The following IQGAP1 variants were observed in gnomAD, a reference collection of about 807,000 sequenced individuals.
The protein encoded by IQGAP1 is IQ motif containing GTPase activating protein 1.
Under a neutral mutation model 215.6 loss-of-function variants are expected in IQGAP1, and 66 were observed. That is an observed-to-expected ratio of 0.31 (90% CI 0.25 to 0.38). IQGAP1 has a LOEUF of 0.38. Among genes scored for constraint, IQGAP1 ranks in the 10% least tolerant of loss-of-function variants. The pLI, the probability that IQGAP1 is intolerant of heterozygous loss-of-function variation, is 1.00. For missense variants in IQGAP1, 1,712 were observed against 1,997.1 expected, an observed-to-expected ratio of 0.86 and a Z score of 2.72; for synonymous variants, 772 against 728.7, an observed-to-expected ratio of 1.06 and a Z score of -0.96.
chr15:90,476,918 A>C, intron 24 of IQGAP1, 100 bp downstream of exon 24: 1 of 1,402,674 alleles, frequency 7.1e-7, no homozygotes, highest in South Asian at 1.3e-5. Flanking sequence ...TTTGACTTCC[A>C]CTGAGGGGTG....
At chr15:90,410,129 G>A (rs550725029) in intron 2 of IQGAP1, among the ~76,000 whole-genome samples, 2 of 152,248 alleles carry the variant, frequency 1.3e-5, no homozygotes, top group Non-Finnish European at 2.9e-5. Context: ...AGTTTCTTTT[G>A]CTGTGCAGAA....
At chr15:90,421,393 T>A (rs1218708673) in intron 2 of IQGAP1, among the ~76,000 whole-genome samples, 1 of 151,716 alleles carries the variant, frequency 6.6e-6, no homozygotes, top group Non-Finnish European at 1.5e-5. Flanking sequence ...GGAGAATTGC[T>A]TGAACTTGGG....
chr15:90,499,915 A>G, intron 37 of IQGAP1, 80 bp from the exon 38 acceptor site: 2 of 925,288 alleles, frequency 2.2e-6, no homozygotes, highest in Non-Finnish European at 3.5e-6. Context: ...CCCTCCCTAC[A>G]TTGTGTCCTT....
chr15:90,452,982 G>T (rs372197745), intron 12 of IQGAP1, 44 bp downstream of exon 12: 1 of 1,606,694 alleles, frequency 6.2e-7, no homozygotes. Flanking sequence ...AAGTTGGGTG[G>T]ACGTGAGTGT....
intron 26 of IQGAP1, among the ~76,000 whole-genome samples, chr15:90,481,594 G>A (rs1438228397): frequency 6.6e-6 from 1 of 151,972 alleles, no homozygotes; most frequent in Admixed American, 6.6e-5. Context: ...TCCATTCTGA[G>A]TTGAAGCCCT....
chr15:90,406,869 C>A (rs894074622), intron 2 of IQGAP1, among the ~76,000 whole-genome samples: 2 of 152,216 alleles, frequency 1.3e-5, no homozygotes, highest in South Asian at 2.1e-4. Context: ...GTGGGAATAA[C>A]GTTGGTGGGA....
At chr15:90,477,022 C>A (rs1965989273) in intron 24 of IQGAP1, 45 bp from the exon 25 acceptor site, 2 of 1,563,220 alleles carry the variant, frequency 1.3e-6, no homozygotes, top group Admixed American at 3.5e-5. Flanking sequence ...ATCTTGCCAG[C>A]CTTTATATTA....
intron 8 of IQGAP1, 97 bp downstream of exon 8, chr15:90,441,781 A>G: frequency 1.2e-6 from 1 of 837,038 alleles, no homozygotes. Flanking sequence ...GATGCAGTTT[A>G]CATACAACAA....
chr15:90,391,110 T>G, intron 2 of IQGAP1: 1 of 381,014 alleles, frequency 2.6e-6, no homozygotes, highest in Non-Finnish European at 5.0e-6. Flanking sequence ...TGGTGGTGCA[T>G]GCCAGTAGTC....
chr15:90,478,461 A>G (rs1311582416), intron 26 of IQGAP1, among the ~76,000 whole-genome samples: 1 of 152,214 alleles, frequency 6.6e-6, no homozygotes, highest in Non-Finnish European at 1.5e-5. Context: ...CCCTCTCTTC[A>G]TAGTTCATTG....
At chr15:90,421,091 C>T (rs11636205) in intron 2 of IQGAP1, among the ~76,000 whole-genome samples, 32,586 of 152,160 alleles carry the variant, frequency 0.21, 4,755 homozygotes, top group African/African-American at 0.42. Context: ...GAGCTGAGAT[C>T]GTGCCATTGC....
intron 4 of IQGAP1, chr15:90,431,173 C>T (rs1204213795): frequency 1.3e-5 from 2 of 151,608 alleles, no homozygotes; most frequent in Non-Finnish European, 2.9e-5. Context: ...TGTGTTAAAT[C>T]AGAACTGAGT....
intron 5 of IQGAP1, among the ~76,000 whole-genome samples, chr15:90,436,319 T>C (rs1456219863): frequency 6.6e-6 from 1 of 152,210 alleles, no homozygotes; most frequent in Non-Finnish European, 1.5e-5. Flanking sequence ...CTGGGGATAC[T>C]TTATGATACC....
At chr15:90,403,987 T>A (rs536756964) in intron 2 of IQGAP1, among the ~76,000 whole-genome samples, 1 of 152,378 alleles carries the variant, frequency 6.6e-6, no homozygotes, top group African/African-American at 2.4e-5. Flanking sequence ...ATCTTAAAAT[T>A]CATTCCATAT....
chr15:90,390,777 T>C lies in IQGAP1; in HGVS notation c.59T>C (p.Val20Ala). Residue 20 changes from valine to alanine, a missense_variant, in exon 2 of 38, where the codon GTC (valine) becomes GCC (alanine). Physicochemically the swap from Val to Ala is moderately conservative, Grantham distance 64. Transcript: ENST00000268182. ...LGVARPHYGS[V>A]LDNERLTAEE... ...CATTCTTTCTTTTATGTTGTAGCTG[T>C]CCTGGATAATGAAAGACTTACTGCA... 6.2e-7 allele frequency: 1 copy of C among 1,603,234 alleles called. No individual in the cohort carries two copies. The highest frequency in any genetic ancestry group is 8.5e-7 in the Non-Finnish European group (1 of 1,170,128).
At position 90,438,784 on chromosome 15, in the gene IQGAP1, G is replaced by A. The variant is rs774872438; in HGVS notation, c.468-548G>A. ...CTGTTGCCCAGGCTGGAGTACAGTG[G>A]TGTGATCTCGGCTCACTGCAGCCTT... On this transcript the variant is annotated intron_variant, in intron 5 of 37. Coordinates refer to ENST00000268182, the MANE Select transcript of IQGAP1 (RefSeq NM_003870.4). Among the ~76,000 whole-genome samples, 5 of 151,966 alleles carry A rather than the reference G, an allele frequency of 3.3e-5. No individual in the cohort carries two copies. In the East Asian group the frequency reaches 7.7e-4, roughly 23 times the overall value.
At chr15:90,388,621 T>G (rs1390160062) in intron 1 of IQGAP1, among the ~76,000 whole-genome samples, 1 of 151,982 alleles carries the variant, frequency 6.6e-6, no homozygotes, top group Non-Finnish European at 1.5e-5. Context: ...CCTCCCGCCT[T>G]AGCTGGGGCC....
rs999337616 is a variant in IQGAP1, at chr15:90,418,602, A to G, written c.156-7508A>G. Reference sequence around the variant, plus strand: ...AGACACTGTCTCAAAAAAAAAATTAAAAGACTGTAATTAAAGATAGCCTTT... The same window carrying G: ...AGACACTGTCTCAAAAAAAAAATTAGAAGACTGTAATTAAAGATAGCCTTT... On this transcript the variant is annotated intron_variant, in intron 2 of 37. Coordinates refer to ENST00000268182, the MANE Select transcript of IQGAP1 (RefSeq NM_003870.4). Among the ~76,000 whole-genome samples, 3 of 152,172 alleles carry G rather than the reference A, an allele frequency of 2.0e-5. 1 individual carries two copies. The East Asian group carries it at 5.8e-4, about 29-fold the overall frequency.
chr15:90,422,634 A>ATATGTATATG (rs879920959), intron 2 of IQGAP1, among the ~76,000 whole-genome samples: 73 of 90,150 alleles, frequency 8.1e-4, no homozygotes, highest in African/African-American at 2.4e-3. Flanking sequence ...ATGTATATAT[A>ATATGTATATG]TATATGTATA....
Sources: allele counts gnomAD v4.1 joint callset (sites outside exome capture counted in the v4.1 genomes callset), GRCh38; gene constraint gnomAD v4.1.1; transcripts MANE v1.5; gene names NCBI Gene and HGNC (gene_info 2026-07-23, HGNC 2026-07-21).